Variants in HDAC7 observed in about 807,000 individuals in gnomAD.
The protein encoded by HDAC7 is histone deacetylase 7A.
Under a neutral mutation model 115.5 loss-of-function variants are expected in HDAC7, and 26 were observed. The observed-to-expected ratio is 0.23, with a 90% CI of 0.16 to 0.31. The LOEUF (loss-of-function observed/expected upper bound fraction) is 0.31, where lower values mean the gene tolerates loss of function less well. Ranked by LOEUF, HDAC7 falls within the 10% of genes least tolerant of loss-of-function variation. The probability of loss-of-function intolerance (pLI) is 1.00; values close to 1 mark genes in which losing one functional copy is unlikely to be tolerated. For synonymous variants in HDAC7, 564 were observed against 550.9 expected (o/e 1.02, Z -0.33); for missense variants, 1,068 against 1,329.0 (o/e 0.80, Z 3.05).
Position 47,810,804 on chromosome 12 carries a change from GTCTCTCTCTCTCTC to G in HDAC7, c.20-8544_20-8531del, listed in dbSNP as rs60132211. On this transcript the variant is annotated intron_variant, in intron 1 of 25. Transcript: ENST00000080059. ...GGGTAAATTCTCTTGGGAGGAAAAGGTCTCTCTCTCTCTCTCTCTCTCTCTCTCTCTCTCTCTCT... is the reference window on the plus strand; with the variant it reads ...GGGTAAATTCTCTTGGGAGGAAAAGGTCTCTCTCTCTCTCTCTCTCTCTCT... Among the ~76,000 whole-genome samples the G allele has an allele frequency of 2.9e-3, 386 of 131,680 alleles. 2 individuals carry two copies. The highest frequency in any genetic ancestry group is 0.012 in the Middle Eastern group (3 of 258). 86.4% of individuals were successfully genotyped at this position (131,680 alleles called of 152,430 possible). A position where few individuals can be genotyped will look rare whatever the true frequency, so the allele number is the denominator to read the frequency against.
chr12:47,786,527 C>T lies in HDAC7; in HGVS notation c.2572+58G>A, dbSNP rs539009201. The stretch of plus-strand genomic sequence containing the variant: ...TTTCTGACTTGGGAGTGCCTCCCAA[C>T]TCCCCGCACCGCCTGGCTCTCTGTC... On this transcript the variant is annotated intron_variant, in intron 22 of 25. Transcript: ENST00000080059. 3.1e-6 allele frequency: 4 copies of T among 1,287,660 alleles called. No homozygotes were observed. The African/African-American group carries it at 5.8e-5, about 19-fold the overall frequency. The allele number at this position is 1,287,660 out of a possible 1,614,324, so 79.8% of individuals were successfully genotyped here. A position where few individuals can be genotyped will look rare whatever the true frequency, so the allele number is the denominator to read the frequency against.
intron 8 of HDAC7, 74 bp from the exon 9 acceptor site, chr12:47,796,090 G>C: frequency 6.6e-7 from 1 of 1,523,758 alleles, no homozygotes; most frequent in Non-Finnish European, 8.9e-7. Context: ...GAACACCCAG[G>C]AGGCTCTGGC....
intron 17 of HDAC7, 55 bp downstream of exon 17, chr12:47,789,758 A>AC: frequency 6.9e-7 from 1 of 1,443,132 alleles, no homozygotes; most frequent in Non-Finnish European, 9.7e-7. Flanking sequence ...ATTCCCCACT[A>AC]CCCCACTCTG....
Position 47,795,314 on chromosome 12 carries a change from C to T in HDAC7, c.1154G>A (p.Gly385Glu). The T allele has an allele frequency of 6.2e-7, 1 of 1,613,204 alleles. No homozygotes were observed. Among genetic ancestry groups the T allele is most frequent in the Non-Finnish European group, 8.5e-7 (1 of 1,179,788 alleles). Residue 385 changes from glycine (G) to glutamate (E), a missense_variant, in exon 11 of 26, where the codon GGG (glycine) becomes GAG (glutamate). Gly to Glu is a moderately conservative substitution (Grantham distance 98). Around this residue, in one of 6 missense-constraint regions of HDAC7, gnomAD observed 618 missense variants for 701.5 expected, o/e 0.88. Coordinates refer to ENST00000080059, the MANE Select transcript of HDAC7 (RefSeq NM_015401.5). This position sits in a 1 kb window ranked among gnomAD's most constrained non-coding sequence, Gnocchi z 4.3. ...QSLMTTERLSGSGLHWPLSRT... is the reference protein window; with the variant it reads ...QSLMTTERLSESGLHWPLSRT... ...GCTCAGTGGCCAGTGGAGGCCTGACCCAGAGAGCCGCTCGGTGGTCATTAA... is the reference window on the plus strand; with the variant it reads ...GCTCAGTGGCCAGTGGAGGCCTGACTCAGAGAGCCGCTCGGTGGTCATTAA...
intron 1 of HDAC7, among the ~76,000 whole-genome samples, chr12:47,813,920 G>A (rs1377077802): frequency 6.6e-6 from 1 of 152,230 alleles, no homozygotes; most frequent in Non-Finnish European, 1.5e-5. Flanking sequence ...AACCTTCCTG[G>A]GAGAAGAGGT....
At position 47,793,793 on chromosome 12, in the gene HDAC7, C is replaced by T. The variant is rs1943660401; in HGVS notation, c.1459-205G>A. Among the ~76,000 whole-genome samples the T allele has an allele frequency of 6.6e-6, 1 of 152,324 alleles. No homozygotes were observed. The highest frequency in any genetic ancestry group is 1.5e-5 in the Non-Finnish European group (1 of 68,026). On this transcript the variant is annotated intron_variant, in intron 12 of 25. Transcript: ENST00000080059. This position sits in a 1 kb window ranked among gnomAD's most constrained non-coding sequence, Gnocchi z 4.5. ...CCCCCTGACAGGTTTGCACCCCAGA[C>T]TGACCACCCATTCCACCAGCTCCCC... is the stretch of plus-strand genomic sequence containing the variant.
At chr12:47,809,514 T>A (rs1302073063) in intron 1 of HDAC7, among the ~76,000 whole-genome samples, 5 of 152,214 alleles carry the variant, frequency 3.3e-5, no homozygotes, top group African/African-American at 1.2e-4. Flanking sequence ...GTGTGCTGGC[T>A]ATTATCCTAG....
chr12:47,791,395 G>C (rs1943494616), intron 15 of HDAC7, 87 bp from the exon 16 acceptor site: 1 of 1,414,952 alleles, frequency 7.1e-7, no homozygotes. Context: ...AGCAGGGCCG[G>C]GTGAGTATTG....
At position 47,798,745 on chromosome 12, in the gene HDAC7, A is replaced by C; in HGVS notation, c.258+40T>G. 2.6e-6 allele frequency: 4 copies of C among 1,555,260 alleles called. No homozygotes were observed. The highest frequency in any genetic ancestry group is 3.5e-6 in the Non-Finnish European group (4 of 1,148,184). On this transcript the variant is annotated intron_variant, in intron 3 of 25. Coordinates refer to ENST00000080059, the MANE Select transcript of HDAC7 (RefSeq NM_015401.5). This position sits in a 1 kb window ranked among gnomAD's most constrained non-coding sequence, Gnocchi z 4.3. ...CTGAAGGCGGGGAGGCTGGGGACCA[A>C]GCTCAAGGTGGCCCCACATGCAGGG...
intron 23 of HDAC7, 46 bp from the exon 24 acceptor site, chr12:47,785,517 G>A (rs904944150): frequency 4.5e-6 from 7 of 1,557,460 alleles, no homozygotes; most frequent in Non-Finnish European, 6.1e-6. Flanking sequence ...GGGACCCACA[G>A]GCCCAGCTCA....
Position 47,785,896 on chromosome 12 carries a change from G to A in HDAC7, c.2573-11C>T, listed in dbSNP as rs1480680725. 1 of 1,581,734 alleles carries A rather than the reference G, an allele frequency of 6.3e-7. No homozygotes were observed. The highest frequency in any genetic ancestry group is 8.6e-7 in the Non-Finnish European group (1 of 1,159,780). ...TCATGTATCCAAAACCTAGAGGTTG[G>A]GAGGGGAGAAATGGGAGGGGCGGGA... On this transcript the variant is annotated splice_polypyrimidine_tract_variant and intron_variant, in intron 22 of 25. Transcript: ENST00000080059.
intron 24 of HDAC7, 141 bp downstream of exon 24, chr12:47,785,246 G>T: frequency 1.4e-6 from 1 of 710,226 alleles, no homozygotes; most frequent in Non-Finnish European, 2.4e-6. Context: ...TGCTGCCTGG[G>T]TCACTCACAG....
At position 47,791,508 on chromosome 12, in the gene HDAC7, G is replaced by A. The variant is rs572778707; in HGVS notation, c.1933+78C>T. 266 of 1,522,506 alleles carry A rather than the reference G, an allele frequency of 1.7e-4. 2 individuals carry two copies. The highest frequency in any genetic ancestry group is 3.7e-4 in the African/African-American group (27 of 73,014). 94.3% of individuals were successfully genotyped at this position (1,522,506 alleles called of 1,614,324 possible). The stretch of plus-strand genomic sequence containing the variant: ...GGGTGCAGGAGGAGGCTGGCTGGGC[G>A]GGCAGAGCCGAGACAGGAGTGCATG... On this transcript the variant is annotated intron_variant, in intron 15 of 25. Coordinates refer to ENST00000080059, the MANE Select transcript of HDAC7 (RefSeq NM_015401.5).
chr12:47,785,185 C>T (rs780129427), intron 24 of HDAC7: 1 of 576,506 alleles, frequency 1.7e-6, no homozygotes, highest in Admixed American at 3.4e-5. Flanking sequence ...GCCCTGCTGG[C>T]TCCATCGGGG....
rs374940662 is a variant in HDAC7, at chr12:47,793,366, C to T, written c.1678+3G>A. On this transcript the variant is annotated splice_donor_region_variant and intron_variant, in intron 13 of 25. Coordinates refer to ENST00000080059, the MANE Select transcript of HDAC7 (RefSeq NM_015401.5). This position sits in a 1 kb window ranked among gnomAD's most constrained non-coding sequence, Gnocchi z 4.5. ...CCACCCGCCACCCTCCTCCCGGTCT[C>T]ACCTGTGGTGAAGGGCAGGGTCCTG... 2.3e-5 allele frequency: 32 copies of T among 1,415,430 alleles called. 1 individual carries two copies. Among genetic ancestry groups the T allele is most frequent in the East Asian group, 1.1e-4 (4 of 35,412 alleles). 87.7% of individuals were successfully genotyped at this position (1,415,430 alleles called of 1,614,324 possible).
At chr12:47,790,624 TC>T (rs914508188) in intron 16 of HDAC7, 1 of 156,222 alleles carries the variant, frequency 6.4e-6, no homozygotes, top group Non-Finnish European at 1.4e-5. Flanking sequence ...GCTCCCACTT[TC>T]CCTCCGGAAT....
chr12:47,791,417 T>C, intron 15 of HDAC7, 109 bp from the exon 16 acceptor site: 1 of 1,375,282 alleles, frequency 7.3e-7, no homozygotes. Context: ...GGGAGAGAAA[T>C]ATGGAAGGGA....
Position 47,798,082 on chromosome 12 carries a change from A to T in HDAC7, c.461+26T>A. ...GGGGGTGGAGGGTGCATGTGGGGACAGGAGGGCAGGTGAGGAGGGTGTTAC... is the reference window on the plus strand; with the variant it reads ...GGGGGTGGAGGGTGCATGTGGGGACTGGAGGGCAGGTGAGGAGGGTGTTAC... On this transcript the variant is annotated intron_variant, in intron 5 of 25. Transcript: ENST00000080059. This position sits in a 1 kb window ranked among gnomAD's most constrained non-coding sequence, Gnocchi z 4.3. The T allele has an allele frequency of 6.6e-7, 1 of 1,525,782 alleles. No individual in the cohort carries two copies. Among genetic ancestry groups the T allele is most frequent in the Non-Finnish European group, 9.1e-7 (1 of 1,099,774 alleles). The allele number at this position is 1,525,782 out of a possible 1,614,324, so 94.5% of individuals were successfully genotyped here.
chr12:47,798,849 T>C lies in HDAC7; in HGVS notation c.194A>G (p.Gln65Arg). 2 of 1,559,386 alleles carry C rather than the reference T, an allele frequency of 1.3e-6. No individual in the cohort carries two copies. Among genetic ancestry groups the C allele is most frequent in the Non-Finnish European group, 1.7e-6 (2 of 1,151,672 alleles). The change falls in exon 3 of 26, where the codon CAG becomes CGG. Residue 65 changes from glutamine (Q) to arginine (R), a missense_variant. Physicochemically the swap from Gln to Arg is conservative, Grantham distance 43 (BLOSUM62 1). Around this residue, in one of 6 missense-constraint regions of HDAC7, gnomAD observed 161 missense variants for 158.5 expected, o/e 1.02. Transcript: ENST00000080059. This position sits in a 1 kb window ranked among gnomAD's most constrained non-coding sequence, Gnocchi z 4.3. ...TAGGAAGAGGTGGTGGTGCAGGCGC[T>C]GGGGACGCTGCAGGGCCAGCAATGT... The part of the protein sequence containing the change: ...EPTLLALQRP[Q>R]RLHHHLFLAG...
Sources: allele counts gnomAD v4.1 joint callset (sites outside exome capture counted in the v4.1 genomes callset), GRCh38; gene constraint gnomAD v4.1.1; regional missense constraint gnomAD v4.1.1; non-coding constraint Gnocchi (gnomAD v3.1); transcripts MANE v1.5; gene names NCBI Gene and HGNC (gene_info 2026-07-23, HGNC 2026-07-21).